The following AUH variants were observed in gnomAD, a reference collection of about 807,000 sequenced individuals.
AUH encodes AU RNA binding methylglutaconyl-CoA hydratase.
A neutral mutation model predicts 42.3 loss-of-function variants in AUH; 29 were observed. That is an observed-to-expected ratio of 0.69 (90% CI 0.51 to 0.93). AUH has a LOEUF of 0.93. Among genes scored for constraint, AUH ranks in the 40% least tolerant of loss-of-function variants. The probability of loss-of-function intolerance (pLI) is 0.00; values close to 1 mark genes in which losing one functional copy is unlikely to be tolerated. For missense variants in AUH, 452 were observed against 438.1 expected (o/e 1.03, Z -0.28); for synonymous variants, 174 against 166.4 (o/e 1.05, Z -0.35).
chr9:91,318,778 C>T (rs960778466), intron 4 of AUH, among the ~76,000 whole-genome samples: 1 of 152,232 alleles, frequency 6.6e-6, no homozygotes, highest in African/African-American at 2.4e-5. Flanking sequence ...AGCCCCCTTG[C>T]CTCTCCTGCA....
chr9:91,343,998 T>C (rs1355582629), intron 3 of AUH, among the ~76,000 whole-genome samples: 1 of 152,184 alleles, frequency 6.6e-6, no homozygotes, highest in Non-Finnish European at 1.5e-5. Context: ...GAGAAACTAG[T>C]TCAGGCCATG....
intron 6 of AUH, among the ~76,000 whole-genome samples, chr9:91,239,407 G>C (rs1381667732): frequency 1.3e-5 from 2 of 152,084 alleles, no homozygotes; most frequent in African/African-American, 4.8e-5. Flanking sequence ...TTGAACCATG[G>C]GAGGAAACAC....
chr9:91,216,826 G>T, intron 8 of AUH, among the ~76,000 whole-genome samples: 1 of 152,192 alleles, frequency 6.6e-6, no homozygotes, highest in Non-Finnish European at 1.5e-5. Context: ...GACACACAAT[G>T]GATTCACCTT....
intron 6 of AUH, among the ~76,000 whole-genome samples, chr9:91,266,926 T>C (rs1294029046): frequency 1.3e-5 from 2 of 152,188 alleles, no homozygotes; most frequent in Non-Finnish European, 2.9e-5. Context: ...AGTATGCCCA[T>C]GTGACAGACT....
chr9:91,239,297 T>G (rs908507841), intron 6 of AUH, among the ~76,000 whole-genome samples: 1 of 152,224 alleles, frequency 6.6e-6, no homozygotes, highest in Non-Finnish European at 1.5e-5. Context: ...ACTGATATGC[T>G]TAGAAGTGAT....
intron 6 of AUH, among the ~76,000 whole-genome samples, chr9:91,291,177 T>C (rs1246975085): frequency 6.6e-6 from 1 of 152,176 alleles, no homozygotes; most frequent in Non-Finnish European, 1.5e-5. Flanking sequence ...TGTGCCTTCC[T>C]CTTTCTTATA....
chr9:91,239,811 G>A (rs1407444633), intron 6 of AUH, among the ~76,000 whole-genome samples: 2 of 152,086 alleles, frequency 1.3e-5, no homozygotes, highest in Non-Finnish European at 2.9e-5. Context: ...AACCTAACTG[G>A]CTCAACCCCA....
intron 6 of AUH, among the ~76,000 whole-genome samples, chr9:91,258,623 G>A (rs573424348): frequency 1.3e-5 from 2 of 152,178 alleles, no homozygotes; most frequent in African/African-American, 4.8e-5. Flanking sequence ...GAGTGGACAG[G>A]CTTGTTTACT....
intron 6 of AUH, among the ~76,000 whole-genome samples, chr9:91,252,150 A>G (rs1829164951): frequency 6.6e-6 from 1 of 151,966 alleles, no homozygotes; most frequent in Non-Finnish European, 1.5e-5. Context: ...TATTTTTTGT[A>G]GAGACAGGGT....
At chr9:91,269,897 C>T (rs185366476) in intron 6 of AUH, among the ~76,000 whole-genome samples, 247 of 152,228 alleles carry the variant, frequency 1.6e-3, no homozygotes, top group Middle Eastern at 3.4e-3. Context: ...CAGATCTGTA[C>T]AAACCTTATC....
chr9:91,220,543 CAT>C (rs1827070490), intron 7 of AUH, among the ~76,000 whole-genome samples: 1 of 152,182 alleles, frequency 6.6e-6, no homozygotes, highest in Admixed American at 6.5e-5. Flanking sequence ...AAGTTGTGCA[CAT>C]GTGACAAGCA....
At chr9:91,301,054 T>G (rs1043115703) in intron 4 of AUH, among the ~76,000 whole-genome samples, 1 of 152,364 alleles carries the variant, frequency 6.6e-6, no homozygotes, top group South Asian at 2.1e-4. Context: ...TTTATTATAT[T>G]AATCCTGGTA....
chr9:91,225,396 T>G (rs930375776), intron 6 of AUH, among the ~76,000 whole-genome samples: 10 of 152,196 alleles, frequency 6.6e-5, no homozygotes, highest in African/African-American at 4.8e-5. Flanking sequence ...AATATTAACT[T>G]AGAGTTAGGG....
At position 91,319,485 on chromosome 9, in the gene AUH, C is replaced by T. The variant is rs974828831; in HGVS notation, c.505+5833G>A. On this transcript the variant is annotated intron_variant, in intron 4 of 9. Coordinates refer to ENST00000375731, the MANE Select transcript of AUH (RefSeq NM_001698.3). ...CTGTCTCTCTAAAATAATAATTGGT[C>T]ACAGCCAACACCAGAGAAAGGCAGT... Among the ~76,000 whole-genome samples, 27 of 152,164 alleles carry T rather than the reference C, an allele frequency of 1.8e-4. 1 individual carries two copies. The highest frequency in any genetic ancestry group is 1.5e-3 in the Admixed American group (23 of 15,278).
intron 6 of AUH, among the ~76,000 whole-genome samples, chr9:91,258,092 T>G (rs1407897872): frequency 6.6e-6 from 1 of 152,262 alleles, no homozygotes; most frequent in East Asian, 1.9e-4. Flanking sequence ...ATTTTATATT[T>G]TGAACTTGTA....
intron 6 of AUH, among the ~76,000 whole-genome samples, chr9:91,266,525 C>T (rs1000647505): frequency 6.6e-6 from 1 of 152,114 alleles, no homozygotes; most frequent in African/African-American, 2.4e-5. Flanking sequence ...GTGGCCTCTA[C>T]AATAATAAAC....
At position 91,214,236 on chromosome 9, in the gene AUH, T is replaced by C. The variant is rs1163269648; in HGVS notation, c.*112A>G. 8 of 863,214 alleles carry C rather than the reference T, an allele frequency of 9.3e-6. No homozygotes were observed. The highest frequency in any genetic ancestry group is 7.6e-6 in the Non-Finnish European group (4 of 529,298). The allele number at this position is 863,214 out of a possible 1,614,324, so 53.5% of individuals were successfully genotyped here. ...TGCTTATTACACCGTATGAATAATCTGCTCTTCACTTTGGTCATTAAGGTT... is the reference window on the plus strand; with the variant it reads ...TGCTTATTACACCGTATGAATAATCCGCTCTTCACTTTGGTCATTAAGGTT... On this transcript the variant is annotated 3_prime_UTR_variant, in exon 10 of 10. Coordinates refer to ENST00000375731, the MANE Select transcript of AUH (RefSeq NM_001698.3).
intron 3 of AUH, among the ~76,000 whole-genome samples, chr9:91,344,585 T>C (rs754871377): frequency 1.3e-4 from 20 of 152,238 alleles, no homozygotes; most frequent in Non-Finnish European, 1.8e-4. Flanking sequence ...ATCAAATTCA[T>C]AGTTACAAAT....
chr9:91,279,119 TTAA>T (rs67885505), intron 6 of AUH, among the ~76,000 whole-genome samples: 3,984 of 152,286 alleles, frequency 0.026, 80 homozygotes, highest in East Asian at 0.058. Flanking sequence ...CAATTATAAC[TTAA>T]TAAAGCTGTT....
Sources: allele counts gnomAD v4.1 joint callset (sites outside exome capture counted in the v4.1 genomes callset), GRCh38; gene constraint gnomAD v4.1.1; transcripts MANE v1.5; gene names NCBI Gene and HGNC (gene_info 2026-07-23, HGNC 2026-07-21).